Variants in FRMD4A observed in about 807,000 individuals in gnomAD.
The protein encoded by FRMD4A is FERM domain containing 4A, also known as FERM domain-containing protein 4A.
Under a neutral mutation model 129.1 loss-of-function variants are expected in FRMD4A, and 29 were observed. The observed-to-expected ratio is 0.22, with a 90% CI of 0.17 to 0.31. The LOEUF (loss-of-function observed/expected upper bound fraction) is 0.31. FRMD4A is among the 10% of genes least tolerant of loss of function. FRMD4A has a pLI of 1.00. For synonymous variants in FRMD4A, 634 were observed against 571.6 expected (o/e 1.11, Z -1.56); for missense variants, 1,272 against 1,375.8 (o/e 0.92, Z 1.19).
chr10:14,019,421 T>C (rs1461460339), intron 2 of FRMD4A, among the ~76,000 whole-genome samples: 1 of 152,212 alleles, frequency 6.6e-6, no homozygotes, highest in Non-Finnish European at 1.5e-5. Context: ...ATGTATAACA[T>C]TTCTCAGATG....
At chr10:14,014,918 T>C (rs555898115) in intron 2 of FRMD4A, among the ~76,000 whole-genome samples, 271 of 144,948 alleles carry the variant, frequency 1.9e-3, no homozygotes, top group Non-Finnish European at 3.3e-3. Flanking sequence ...CTCCCTTCCT[T>C]CCTTTCCTTA....
intron 3 of FRMD4A, among the ~76,000 whole-genome samples, chr10:13,837,202 A>C (rs11258665): frequency 6.6e-6 from 1 of 152,222 alleles, no homozygotes; most frequent in East Asian, 1.9e-4. Flanking sequence ...TGCTTTCCTC[A>C]AGGGGGTTGC....
At chr10:14,193,353 G>C (rs752709356) in intron 2 of FRMD4A, among the ~76,000 whole-genome samples, 2 of 152,010 alleles carry the variant, frequency 1.3e-5, no homozygotes, top group African/African-American at 2.4e-5. Flanking sequence ...TAACACTTTC[G>C]GGTCCAGAGA....
chr10:13,897,911 T>C (rs2094776065), intron 2 of FRMD4A, among the ~76,000 whole-genome samples: 1 of 133,132 alleles, frequency 7.5e-6, no homozygotes, highest in South Asian at 2.4e-4. Context: ...CACTCCAGCC[T>C]GGGTGACAGA....
chr10:13,660,157 A>G (rs1351883498), intron 20 of FRMD4A, among the ~76,000 whole-genome samples, 159 bp downstream of exon 20: 1 of 152,266 alleles, frequency 6.6e-6, no homozygotes, highest in Non-Finnish European at 1.5e-5. Flanking sequence ...TGTCGGCAGC[A>G]GAGGGCGCTG....
At chr10:13,826,477 G>A (rs995910909) in intron 3 of FRMD4A, among the ~76,000 whole-genome samples, 3 of 152,120 alleles carry the variant, frequency 2.0e-5, no homozygotes, top group African/African-American at 7.2e-5. Context: ...CTGCCTATTG[G>A]TTCTTTGGGG....
intron 3 of FRMD4A, among the ~76,000 whole-genome samples, chr10:13,814,835 G>A (rs1211072318): frequency 6.6e-6 from 1 of 152,076 alleles, no homozygotes; most frequent in African/African-American, 2.4e-5. Context: ...TAGAATGATT[G>A]GGCCTGAATG....
chr10:13,961,891 T>G (rs958101642), intron 2 of FRMD4A, among the ~76,000 whole-genome samples: 4 of 152,166 alleles, frequency 2.6e-5, no homozygotes, highest in African/African-American at 9.7e-5. Context: ...ACATAGAGGG[T>G]GTTCATTAAT....
chr10:13,906,379 C>G (rs1451784526), intron 2 of FRMD4A, among the ~76,000 whole-genome samples: 1 of 152,164 alleles, frequency 6.6e-6, no homozygotes, highest in South Asian at 2.1e-4. Flanking sequence ...TTTGAACCAC[C>G]AACCAACAGC....
chr10:14,269,471 A>G (rs1290053076), intron 2 of FRMD4A, among the ~76,000 whole-genome samples: 1 of 152,078 alleles, frequency 6.6e-6, no homozygotes, highest in Non-Finnish European at 1.5e-5. Context: ...TGCCTTTCCC[A>G]GCTTCTAGAG....
rs573652183 is a variant in FRMD4A at position 13,866,337 on chromosome 10, GC to G, written c.46-7426del. The G allele has an allele frequency of 1.1e-4, 102 of 931,272 alleles. 1 individual carries two copies. In the East Asian group the frequency reaches 2.6e-3, roughly 23 times the overall value. 57.7% of individuals were successfully genotyped at this position (931,272 alleles called of 1,614,324 possible). A position where few individuals can be genotyped will look rare whatever the true frequency, so the allele number is the denominator to read the frequency against. On this transcript the variant is annotated intron_variant, in intron 2 of 24. Transcript: ENST00000357447. ...TGAGGATGTCGGATGCGGGACAGCA[GC>G]CCCTCATGATCTGACCTCTGACCCA...
intron 2 of FRMD4A, among the ~76,000 whole-genome samples, chr10:14,308,401 AT>A (rs982934782): frequency 1.3e-5 from 2 of 148,558 alleles, no homozygotes; most frequent in Non-Finnish European, 3.0e-5. Context: ...ATTTATTATT[AT>A]TTTTTTTTCT....
At chr10:13,721,983 G>C (rs1432602600) in intron 12 of FRMD4A, among the ~76,000 whole-genome samples, 1 of 152,226 alleles carries the variant, frequency 6.6e-6, no homozygotes, top group Non-Finnish European at 1.5e-5. Flanking sequence ...CTGCAGGGCA[G>C]AGCTCCTCTG....
chr10:13,692,603 C>A (rs951364973), intron 15 of FRMD4A: 1 of 152,322 alleles, frequency 6.6e-6, no homozygotes, highest in African/African-American at 2.4e-5. Flanking sequence ...AGAACAGTAA[C>A]CTCGCCTCTC....
chr10:13,935,927 A>G (rs1033319426), intron 2 of FRMD4A, among the ~76,000 whole-genome samples: 5 of 152,334 alleles, frequency 3.3e-5, no homozygotes, highest in Admixed American at 6.5e-5. Context: ...GGTTGCCCTG[A>G]CCAGGATGTG....
chr10:14,247,929 A>T (rs913817), intron 2 of FRMD4A, among the ~76,000 whole-genome samples: 140,564 of 151,936 alleles, frequency 0.93, 65,496 homozygotes, highest in East Asian at 1. Flanking sequence ...TAAAAAAAAA[A>T]TTGGAAACAA....
chr10:14,205,173 T>A (rs1385103160), intron 2 of FRMD4A, among the ~76,000 whole-genome samples: 1 of 152,158 alleles, frequency 6.6e-6, no homozygotes, highest in African/African-American at 2.4e-5. Context: ...ATTCTATTTT[T>A]TTGTAATCTC....
At chr10:13,921,643 A>G (rs2095074638) in intron 2 of FRMD4A, among the ~76,000 whole-genome samples, 1 of 152,052 alleles carries the variant, frequency 6.6e-6, no homozygotes, top group Non-Finnish European at 1.5e-5. Flanking sequence ...CAAAGGCTCC[A>G]CCTCCTAATA....
At position 14,076,514 on chromosome 10, in the gene FRMD4A, C is replaced by G. The variant is rs545309197; in HGVS notation, c.46-217602G>C. Reference sequence around the variant, plus strand: ...AATTAGCTGGGTGTGGTGGTGGGAGCCTGTAGTCCCAGCTACTCGGGAGGC... The same window carrying G: ...AATTAGCTGGGTGTGGTGGTGGGAGGCTGTAGTCCCAGCTACTCGGGAGGC... On this transcript the variant is annotated intron_variant, in intron 2 of 24. Coordinates refer to ENST00000357447, the MANE Select transcript of FRMD4A (RefSeq NM_018027.5). Among the ~76,000 whole-genome samples the G allele has an allele frequency of 7.3e-3, 1,115 of 152,180 alleles. 13 individuals carry two copies. Among genetic ancestry groups the G allele is most frequent in the African/African-American group, 0.025 (1,050 of 41,520 alleles).
Sources: gnomAD v4.1 joint callset for allele counts (sites outside exome capture counted in the v4.1 genomes callset) on GRCh38, gnomAD v4.1.1 for gene constraint, MANE v1.5 for transcripts, NCBI Gene and HGNC (gene_info 2026-07-23, HGNC 2026-07-21) for gene names.